The following MCCC1 variants were observed in gnomAD, a reference collection of about 807,000 sequenced individuals.
The protein encoded by MCCC1 is methylcrotonyl-CoA carboxylase subunit 1, also known as methylcrotonoyl-CoA carboxylase subunit alpha, mitochondrial.
In MCCC1, 64 loss-of-function variants were observed where a neutral mutation model predicts 83.8. The observed-to-expected ratio is 0.76, with a 90% CI of 0.62 to 0.94. The LOEUF (loss-of-function observed/expected upper bound fraction) is 0.94. Among genes scored for constraint, MCCC1 ranks in the 40% least tolerant of loss-of-function variants. MCCC1 has a pLI of 0.00. For missense variants in MCCC1, 807 were observed against 904.7 expected (o/e 0.89, Z 1.39); for synonymous variants, 322 against 315.4 (o/e 1.02, Z -0.22).
At chr3:183,046,402 ATT>A (rs10663232) in intron 9 of MCCC1, among the ~76,000 whole-genome samples, 177 of 149,026 alleles carry the variant, frequency 1.2e-3, no homozygotes, top group African/African-American at 4.1e-3. Flanking sequence ...TTTAAAATCA[ATT>A]TTTTTTTTTT....
chr3:183,037,316 C>T lies in MCCC1; in HGVS notation c.1496G>A (p.Ser499Asn). The T allele has an allele frequency of 4.3e-6, 7 of 1,614,132 alleles. No homozygotes were observed. The highest frequency in any genetic ancestry group is 5.9e-6 in the Non-Finnish European group (7 of 1,180,042). ...AGACTCTTTGGCTGCAGCCTTCCGA[C>T]TGAGCAACAACTGTTTGTGGTGTTG... The part of the protein sequence containing the change: ...IPQHHKQLLL[S>N]RKAAAKESLC... Residue 499 changes from serine (S) to asparagine (N), a missense_variant, in exon 13 of 19, where the codon AGT (serine) becomes AAT (asparagine). Ser to Asn is a conservative substitution (Grantham distance 46). Transcript: ENST00000265594.
intron 17 of MCCC1, 87 bp from the exon 18 acceptor site, chr3:183,017,424 G>C: frequency 8.8e-7 from 1 of 1,138,130 alleles, no homozygotes; most frequent in Admixed American, 1.7e-5. Context: ...CCATTTTACT[G>C]TCTATATATA....
intron 7 of MCCC1, among the ~76,000 whole-genome samples, chr3:183,059,874 G>C (rs1295478464): frequency 6.6e-6 from 1 of 151,984 alleles, no homozygotes; most frequent in Non-Finnish European, 1.5e-5. Context: ...TATTCCTCTA[G>C]TATTTTCCTT....
chr3:183,063,824 G>A (rs576490989), intron 7 of MCCC1, among the ~76,000 whole-genome samples: 8 of 152,244 alleles, frequency 5.3e-5, no homozygotes, highest in African/African-American at 1.2e-4. Context: ...CGGAAGGGAC[G>A]ATACTGCGGA....
intron 4 of MCCC1, among the ~76,000 whole-genome samples, chr3:183,078,667 G>A (rs145982865): frequency 7.2e-5 from 11 of 152,086 alleles, no homozygotes; most frequent in African/African-American, 1.2e-4. Flanking sequence ...TTTCATTTCC[G>A]GAGTGTTTGT....
chr3:183,090,056 A>AGAGTATATAAAATGAT (rs1718203895), intron 3 of MCCC1, among the ~76,000 whole-genome samples: 1 of 152,206 alleles, frequency 6.6e-6, no homozygotes, highest in African/African-American at 2.4e-5. Flanking sequence ...ATGAGAGTGC[A>AGAGTATATAAAATGAT]CACTGAGAAA....
At chr3:183,051,119 C>T (rs1218887285) in intron 9 of MCCC1, among the ~76,000 whole-genome samples, 1 of 152,110 alleles carries the variant, frequency 6.6e-6, no homozygotes, top group Non-Finnish European at 1.5e-5. Context: ...TCAGTTTCTT[C>T]CAAAACTAAA....
chr3:183,072,569 C>T (rs1716776580), intron 4 of MCCC1, 82 bp from the exon 5 acceptor site: 1 of 1,515,634 alleles, frequency 6.6e-7, no homozygotes, highest in Admixed American at 1.7e-5. Context: ...CTGTCTTCCT[C>T]TGGGAGGCCT....
In MCCC1 at chr3:183,061,451, AT is replaced by A. The variant is rs370069366; in HGVS notation, c.762-4030del. On this transcript the variant is annotated intron_variant, in intron 7 of 18. Coordinates refer to ENST00000265594, the MANE Select transcript of MCCC1 (RefSeq NM_020166.5). ...CTCCCACTGCTGTAAAACATGAGGG[AT>A]TTTTTTTTCTTGGATTTTTACTGTG... 1.5e-3 allele frequency among the ~76,000 whole-genome samples: 233 copies of A among 151,430 alleles called. 3 individuals carry two copies. In the East Asian group the frequency reaches 0.041, roughly 27 times the overall value.
At position 183,094,158 on chromosome 3, in the gene MCCC1, C is replaced by A. The variant is rs566241643; in HGVS notation, c.136+401G>T. 2.4e-3 allele frequency among the ~76,000 whole-genome samples: 365 copies of A among 151,328 alleles called. 1 individual carries two copies. The highest frequency in any genetic ancestry group is 8.5e-3 in the African/African-American group (350 of 41,248). On this transcript the variant is annotated intron_variant, in intron 2 of 18. Coordinates refer to ENST00000265594, the MANE Select transcript of MCCC1 (RefSeq NM_020166.5). ...GCGCCTCCTGGGTTCAAGCAATTCT[C>A]CTGCCTCAGCCTCCCAAGCATCTGG...
intron 10 of MCCC1, among the ~76,000 whole-genome samples, chr3:183,044,357 G>C (rs181562886): frequency 5.3e-5 from 8 of 152,308 alleles, no homozygotes; most frequent in Admixed American, 2.6e-4. Context: ...GTTTACACCA[G>C]TGCTTCTCAA....
At chr3:183,111,231 C>T (rs1450528628) in intron 1 of MCCC1, among the ~76,000 whole-genome samples, 1 of 152,156 alleles carries the variant, frequency 6.6e-6, no homozygotes, top group Admixed American at 6.5e-5. Context: ...AACCCCAATG[C>T]AATACGCAGC....
chr3:183,084,782 C>T (rs1255922365), intron 4 of MCCC1, among the ~76,000 whole-genome samples: 1 of 152,016 alleles, frequency 6.6e-6, no homozygotes, highest in Non-Finnish European at 1.5e-5. Context: ...ATCAGCTGGG[C>T]ATGGTGATGC....
At position 183,078,990 on chromosome 3, in the gene MCCC1, T is replaced by C. The variant is rs895328208; in HGVS notation, c.370-6503A>G. ...CTCTCATGAGACTCATTCATGACCATGAGAACAGCGCAGGAAAGACCTGCC... is the reference window on the plus strand; with the variant it reads ...CTCTCATGAGACTCATTCATGACCACGAGAACAGCGCAGGAAAGACCTGCC... On this transcript the variant is annotated intron_variant, in intron 4 of 18. Coordinates refer to ENST00000265594, the MANE Select transcript of MCCC1 (RefSeq NM_020166.5). 2.5e-4 allele frequency among the ~76,000 whole-genome samples: 38 copies of C among 152,168 alleles called. 1 individual carries two copies. The highest frequency in any genetic ancestry group is 2.4e-3 in the Admixed American group (37 of 15,276).
At chr3:183,055,132 G>T (rs897296834) in intron 8 of MCCC1, among the ~76,000 whole-genome samples, 1 of 152,090 alleles carries the variant, frequency 6.6e-6, no homozygotes, top group Non-Finnish European at 1.5e-5. Flanking sequence ...GGCCGGGTGC[G>T]GTGGCTCAAG....
At chr3:183,015,808 G>A (rs1029356198) in intron 18 of MCCC1, among the ~76,000 whole-genome samples, 13 of 151,996 alleles carry the variant, frequency 8.6e-5, no homozygotes, top group African/African-American at 3.1e-4. Context: ...ACCTTTCAAC[G>A]ATATGACTGG....
intron 1 of MCCC1, among the ~76,000 whole-genome samples, chr3:183,105,066 CG>C (rs764803696): frequency 2.2e-4 from 34 of 152,162 alleles, no homozygotes; most frequent in Non-Finnish European, 3.5e-4. Flanking sequence ...ACATGCAGGC[CG>C]GGTGTGGTGG....
At chr3:183,052,612 T>A (rs999200812) in intron 8 of MCCC1, among the ~76,000 whole-genome samples, 28 of 151,874 alleles carry the variant, frequency 1.8e-4, no homozygotes, top group African/African-American at 6.8e-4. Context: ...ATTGAGACCA[T>A]CCTGGCTAAC....
chr3:183,110,846 C>A (rs1389198609), intron 1 of MCCC1, among the ~76,000 whole-genome samples: 1 of 152,136 alleles, frequency 6.6e-6, no homozygotes, highest in Non-Finnish European at 1.5e-5. Flanking sequence ...TAGTTTCAAT[C>A]TTCTGCATAT....
Sources: allele counts gnomAD v4.1 joint callset (sites outside exome capture counted in the v4.1 genomes callset), GRCh38; gene constraint gnomAD v4.1.1; transcripts MANE v1.5; gene names NCBI Gene and HGNC (gene_info 2026-07-23, HGNC 2026-07-21).